Variants in GUCY1A1 observed in about 807,000 individuals in gnomAD.
The protein encoded by GUCY1A1 is guanylate cyclase soluble subunit alpha-1.
In GUCY1A1, 48 loss-of-function variants were observed where a neutral mutation model predicts 64.5. The ratio of observed to expected loss-of-function variants is 0.74; its 90% CI spans 0.59 to 0.95. The LOEUF (loss-of-function observed/expected upper bound fraction) is 0.95. Ranked by LOEUF, GUCY1A1 falls within the 40% of genes least tolerant of loss-of-function variation. The pLI is 0.00. For synonymous variants in GUCY1A1, 308 were observed against 303.4 expected (o/e 1.02, Z -0.16); for missense variants, 804 against 825.3 (o/e 0.97, Z 0.32).
chr4:155,709,869 A>G (rs1732319585), intron 5 of GUCY1A1, among the ~76,000 whole-genome samples: 1 of 152,136 alleles, frequency 6.6e-6, no homozygotes, highest in Non-Finnish European at 1.5e-5. Context: ...TAAAAACTTC[A>G]TGTAACTCAT....
intron 3 of GUCY1A1, among the ~76,000 whole-genome samples, chr4:155,697,343 A>G (rs1356555929): frequency 6.6e-6 from 1 of 152,166 alleles, no homozygotes; most frequent in African/African-American, 2.4e-5. Flanking sequence ...TCAAAAGAAC[A>G]CTGCAGTCTG....
intron 2 of GUCY1A1, among the ~76,000 whole-genome samples, chr4:155,669,870 G>A (rs752310219): frequency 6.6e-6 from 1 of 152,054 alleles, no homozygotes; most frequent in Non-Finnish European, 1.5e-5. Context: ...TGTGGACTGA[G>A]GATAATATTT....
Position 155,711,203 on chromosome 4 carries a change from T to C in GUCY1A1, c.1038T>C (p.Phe346=), listed in dbSNP as rs367716235. The part of the protein sequence containing the change: ...SGIMTMLNMQ[F]VVRVRRWDNS... The stretch of plus-strand genomic sequence containing the variant: ...TCATGACTATGTTGAATATGCAGTT[T>C]GTTGTACGAGTGAGGAGATGGGACA... Residue 346 remains phenylalanine (F), a synonymous_variant, in exon 6 of 10, where the codon TTT becomes TTC. Coordinates refer to ENST00000506455, the MANE Select transcript of GUCY1A1 (RefSeq NM_001130682.3). 6.8e-6 allele frequency: 11 copies of C among 1,612,764 alleles called. No homozygotes were observed. The highest frequency in any genetic ancestry group is 7.6e-6 in the Non-Finnish European group (9 of 1,178,790).
In GUCY1A1 at chr4:155,717,168, A is replaced by G. The variant is rs1349653794; in HGVS notation, c.1582A>G (p.Ile528Val). The G allele has an allele frequency of 6.6e-7, 1 of 1,507,232 alleles. No individual in the cohort carries two copies. The highest frequency in any genetic ancestry group is 1.3e-5 in the South Asian group (1 of 75,100). 93.4% of individuals were successfully genotyped at this position (1,507,232 alleles called of 1,614,324 possible). ...GELDVYKVET[I>V]GDAYCVAGGL... ...AATATATTATGTCTAGGTGGAGACC[A>G]TTGGCGATGCCTATTGTGTAGCTGG... The change falls in exon 8 of 10, where the codon ATT becomes GTT. Residue 528 changes from isoleucine to valine, a missense_variant. Transcript: ENST00000506455.
intron 2 of GUCY1A1, among the ~76,000 whole-genome samples, chr4:155,681,055 A>G (rs964867058): frequency 1.1e-4 from 16 of 152,150 alleles, no homozygotes; most frequent in African/African-American, 3.9e-4. Context: ...CTTCTGTACA[A>G]TATTGATTAG....
At chr4:155,704,435 G>C (rs1439294388) in intron 4 of GUCY1A1, among the ~76,000 whole-genome samples, 1 of 151,946 alleles carries the variant, frequency 6.6e-6, no homozygotes, top group Non-Finnish European at 1.5e-5. Flanking sequence ...TTTTGAGCAG[G>C]GTCCCAGCAG....
intron 2 of GUCY1A1, among the ~76,000 whole-genome samples, chr4:155,670,849 G>A (rs1325068226): frequency 6.6e-6 from 1 of 152,098 alleles, no homozygotes; most frequent in Non-Finnish European, 1.5e-5. Flanking sequence ...CTAAGAATTA[G>A]CAGGAAGTCG....
rs1367623078 is a variant in GUCY1A1 at position 155,717,393 on chromosome 4, G to C, written c.1716+91G>C. 6.5e-6 allele frequency: 6 copies of C among 926,472 alleles called. No homozygotes were observed. The South Asian group carries it at 2.0e-4, about 31-fold the overall frequency. 57.4% of individuals were successfully genotyped at this position (926,472 alleles called of 1,614,324 possible). A position where few individuals can be genotyped will look rare whatever the true frequency, so the allele number is the denominator to read the frequency against. ...ACCATGGTGTATCAGTTGGGGGTTA[G>C]TTGAGAGAGAGAGAGAAAGCAAAAT... On this transcript the variant is annotated intron_variant, in intron 8 of 9. Transcript: ENST00000506455.
chr4:155,707,696 A>G (rs774306170), intron 4 of GUCY1A1, among the ~76,000 whole-genome samples: 1 of 152,138 alleles, frequency 6.6e-6, no homozygotes, highest in Non-Finnish European at 1.5e-5. Context: ...AGAATAACAA[A>G]ACATTCTATG....
Position 155,735,045 on chromosome 4 carries a change from T to G in GUCY1A1, c.*4814T>G, listed in dbSNP as rs1200140610. ...CTGTTGCTCCTCTTTAAATGTTTCT[T>G]TTATTATATTGATGATGTGCACTCA... On this transcript the variant is annotated 3_prime_UTR_variant, in exon 10 of 10. Transcript: ENST00000506455. The G allele has an allele frequency of 1.3e-5, 2 of 151,952 alleles. No individual in the cohort carries two copies. The highest frequency in any genetic ancestry group is 2.9e-5 in the Non-Finnish European group (2 of 67,924). The allele number at this position is 151,952 out of a possible 1,614,324, so 9.4% of individuals were successfully genotyped here.
intron 8 of GUCY1A1, among the ~76,000 whole-genome samples, chr4:155,719,451 C>G (rs972843212): frequency 6.6e-6 from 1 of 152,142 alleles, no homozygotes; most frequent in Non-Finnish European, 1.5e-5. Context: ...CTGGCAGACA[C>G]GAGCAGTCAA....
chr4:155,717,218 T>G lies in GUCY1A1; in HGVS notation c.1632T>G (p.Thr544=), dbSNP rs577577887. 2 of 1,593,484 alleles carry G rather than the reference T, an allele frequency of 1.3e-6. No individual in the cohort carries two copies. Among genetic ancestry groups the G allele is most frequent in the South Asian group, 1.1e-5 (1 of 87,868 alleles). Reference sequence around the variant, plus strand: ...GGGGATTACACAAAGAGAGTGATACTCATGCTGTTCAGATAGCGCTGATGG... The same window carrying G: ...GGGGATTACACAAAGAGAGTGATACGCATGCTGTTCAGATAGCGCTGATGG... ...VAGGLHKESD[T]HAVQIALMAL... The change falls in exon 8 of 10, where the codon ACT becomes ACG. Residue 544 remains threonine (T), a synonymous_variant. Transcript: ENST00000506455.
Position 155,734,356 on chromosome 4 carries a change from G to A in GUCY1A1, c.*4125G>A, listed in dbSNP as rs1735859965. ...CAATCAAGCCCTTGTTGATGCAAAT[G>A]TTAGTCGCCCAAAGCAGAATGGGTT... On this transcript the variant is annotated 3_prime_UTR_variant, in exon 10 of 10. Coordinates refer to ENST00000506455, the MANE Select transcript of GUCY1A1 (RefSeq NM_001130682.3). 6.6e-6 allele frequency: 1 copy of A among 151,958 alleles called. No individual in the cohort carries two copies. The highest frequency in any genetic ancestry group is 2.1e-4 in the South Asian group (1 of 4,820). The allele number at this position is 151,958 out of a possible 1,614,324, so 9.4% of individuals were successfully genotyped here.
chr4:155,673,187 T>C (rs1457618707), intron 2 of GUCY1A1, among the ~76,000 whole-genome samples: 1 of 151,460 alleles, frequency 6.6e-6, no homozygotes, highest in East Asian at 1.9e-4. Flanking sequence ...TTATGTCTTA[T>C]ATTTTATAAC....
chr4:155,735,035 A>G lies in GUCY1A1; in HGVS notation c.*4804A>G, dbSNP rs1735924901. ...CTTTGATGAACTGTTGCTCCTCTTTAAATGTTTCTTTTATTATATTGATGA... is the reference window on the plus strand; with the variant it reads ...CTTTGATGAACTGTTGCTCCTCTTTGAATGTTTCTTTTATTATATTGATGA... On this transcript the variant is annotated 3_prime_UTR_variant, in exon 10 of 10. Coordinates refer to ENST00000506455, the MANE Select transcript of GUCY1A1 (RefSeq NM_001130682.3). The G allele has an allele frequency of 6.6e-6, 1 of 151,834 alleles. No homozygotes were observed. Among genetic ancestry groups the G allele is most frequent in the Non-Finnish European group, 1.5e-5 (1 of 67,882 alleles). 9.4% of individuals were successfully genotyped at this position (151,834 alleles called of 1,614,324 possible). A position where few individuals can be genotyped will look rare whatever the true frequency, so the allele number is the denominator to read the frequency against.
chr4:155,685,189 A>T (rs150911314), intron 2 of GUCY1A1, among the ~76,000 whole-genome samples: 197 of 152,180 alleles, frequency 1.3e-3, no homozygotes, highest in African/African-American at 3.5e-3. Flanking sequence ...ACAAACACAC[A>T]CTCACACACC....
At position 155,703,952 on chromosome 4, in the gene GUCY1A1, A is replaced by G. The variant is rs778563980; in HGVS notation, c.276A>G (p.Ala92=). The G allele has an allele frequency of 3.1e-6, 5 of 1,606,906 alleles. No homozygotes were observed. Among genetic ancestry groups the G allele is most frequent in the Non-Finnish European group, 4.3e-6 (5 of 1,175,732 alleles). Residue 92 remains alanine, a synonymous_variant, in exon 4 of 10, where the codon GCA becomes GCG. Transcript: ENST00000506455. ...TTCAGTTTGAACGGCTGAATGTTGC[A>G]CTTCAGAGAACATTGGCAAAGCACA... The part of the protein sequence containing the change: ...IFPEFERLNV[A]LQRTLAKHKI...
Position 155,711,261 on chromosome 4 carries a change from A to G in GUCY1A1, c.1086+10A>G, listed in dbSNP as rs1732537432. ...GAAAAAATCTTCAAGGGTAAGGAAA[A>G]CATAATACTATCTTGAATATGAAAG... On this transcript the variant is annotated intron_variant, in intron 6 of 9. Coordinates refer to ENST00000506455, the MANE Select transcript of GUCY1A1 (RefSeq NM_001130682.3). The G allele has an allele frequency of 1.5e-6, 2 of 1,336,296 alleles. No individual in the cohort carries two copies. The highest frequency in any genetic ancestry group is 2.1e-6 in the Non-Finnish European group (2 of 931,692). 82.8% of individuals were successfully genotyped at this position (1,336,296 alleles called of 1,614,324 possible). A position where few individuals can be genotyped will look rare whatever the true frequency, so the allele number is the denominator to read the frequency against.
intron 2 of GUCY1A1, among the ~76,000 whole-genome samples, chr4:155,691,593 T>A (rs1006055180): frequency 6.6e-6 from 1 of 152,182 alleles, no homozygotes; most frequent in Non-Finnish European, 1.5e-5. Context: ...AGTTTTCTCC[T>A]CCTTTTGGCT....
Sources: allele counts gnomAD v4.1 joint callset (sites outside exome capture counted in the v4.1 genomes callset), GRCh38; gene constraint gnomAD v4.1.1; transcripts MANE v1.5; gene names NCBI Gene and HGNC (gene_info 2026-07-23, HGNC 2026-07-21).